Variants in PPARGC1A observed in about 807,000 individuals in gnomAD.
The protein encoded by PPARGC1A is PPARG coactivator 1 alpha, also known as peroxisome proliferator-activated receptor gamma coactivator 1-alpha.
A neutral mutation model predicts 88.7 loss-of-function variants in PPARGC1A; 25 were observed. The observed-to-expected ratio is 0.28, with a 90% CI of 0.21 to 0.39. PPARGC1A has a LOEUF of 0.39. Among genes scored for constraint, PPARGC1A ranks in the 10% least tolerant of loss-of-function variants. The pLI, the probability that PPARGC1A is intolerant of heterozygous loss-of-function variation, is 1.00. For synonymous variants in PPARGC1A, 363 were observed against 355.6 expected, an observed-to-expected ratio of 1.02 and a Z score of -0.24; for missense variants, 880 against 968.7, an observed-to-expected ratio of 0.91 and a Z score of 1.22.
the PPARGC1A span, among the ~76,000 whole-genome samples, chr4:23,992,217 C>T: frequency 6.6e-6 from 1 of 151,808 alleles, no homozygotes; most frequent in Non-Finnish European, 1.5e-5. Flanking sequence ...GTACAGAAGG[C>T]AGGAACACAC....
the PPARGC1A span, among the ~76,000 whole-genome samples, chr4:24,187,648 A>T: frequency 6.6e-6 from 1 of 152,198 alleles, no homozygotes; most frequent in Non-Finnish European, 1.5e-5. Flanking sequence ...CAATTATATG[A>T]TCATTCATTC....
At chr4:23,937,897 A>G in the PPARGC1A span, among the ~76,000 whole-genome samples, 1 of 152,188 alleles carries the variant, frequency 6.6e-6, no homozygotes, top group African/African-American at 2.4e-5. Context: ...TTTAGGATCA[A>G]TCCCCTTTCA....
At chr4:24,115,417 T>A in the PPARGC1A span, among the ~76,000 whole-genome samples, 197 of 152,218 alleles carry the variant, frequency 1.3e-3, 1 homozygote, top group African/African-American at 4.3e-3. Flanking sequence ...CCTACATGCT[T>A]AGGAAAATCC....
At chr4:23,825,245 G>T (rs1319929614) in intron 5 of PPARGC1A, 1 of 152,036 alleles carries the variant, frequency 6.6e-6, no homozygotes. Context: ...CTTCTCTGTG[G>T]CAATCTTGTA....
At chr4:24,443,853 C>A in the PPARGC1A span, among the ~76,000 whole-genome samples, 1 of 144,898 alleles carries the variant, frequency 6.9e-6, no homozygotes, top group Non-Finnish European at 1.5e-5. Flanking sequence ...CGCGCCTGGC[C>A]CCCACCAGAG....
chr4:23,889,239 C>T, intron 1 of PPARGC1A: 5 of 985,410 alleles, frequency 5.1e-6, no homozygotes, highest in Non-Finnish European at 6.0e-6. Context: ...GAAGATTTAA[C>T]CATTGGCTTC....
chr4:23,947,380 TATATATATATATATATAA>T, the PPARGC1A span, among the ~76,000 whole-genome samples: 13 of 51,484 alleles, frequency 2.5e-4, no homozygotes, highest in South Asian at 3.2e-3. Context: ...TATATATATA[TATATATATATATATATAA>T]AAAAAACGGT....
chr4:23,985,822 A>G, the PPARGC1A span, among the ~76,000 whole-genome samples: 3 of 152,056 alleles, frequency 2.0e-5, no homozygotes, highest in Non-Finnish European at 4.4e-5. Context: ...ATTATGCCAA[A>G]AGCACATCAT....
the PPARGC1A span, among the ~76,000 whole-genome samples, chr4:24,468,154 T>C: frequency 6.6e-6 from 1 of 152,154 alleles, no homozygotes; most frequent in Non-Finnish European, 1.5e-5. Context: ...GGGTCCAAAC[T>C]GCAAGCAGTA....
the PPARGC1A span, among the ~76,000 whole-genome samples, chr4:24,095,594 C>T: frequency 1.3e-5 from 2 of 152,116 alleles, no homozygotes; most frequent in Admixed American, 6.5e-5. Context: ...GATGCATCTA[C>T]AAGCCATGGA....
At chr4:24,358,286 ATCCTAATTTATT>A in the PPARGC1A span, among the ~76,000 whole-genome samples, 1 of 152,184 alleles carries the variant, frequency 6.6e-6, no homozygotes, top group Non-Finnish European at 1.5e-5. Context: ...AGATTTTTAA[ATCCTAATTTATT>A]TAATCTTTAA....
the PPARGC1A span, among the ~76,000 whole-genome samples, chr4:24,360,827 A>G: frequency 3.1e-3 from 473 of 152,350 alleles, 6 homozygotes; most frequent in African/African-American, 0.011. Flanking sequence ...GCTCATCTAT[A>G]TGATGTGGCT....
At chr4:24,175,111 C>T in the PPARGC1A span, among the ~76,000 whole-genome samples, 1 of 152,140 alleles carries the variant, frequency 6.6e-6, no homozygotes, top group African/African-American at 2.4e-5. Flanking sequence ...AGTTCATGAG[C>T]TTCATTGTTG....
At chr4:23,914,957 C>A in the PPARGC1A span, among the ~76,000 whole-genome samples, 1 of 152,134 alleles carries the variant, frequency 6.6e-6, no homozygotes, top group Non-Finnish European at 1.5e-5. Context: ...CTGAAGGAGT[C>A]CTTATAAATA....
the PPARGC1A span, among the ~76,000 whole-genome samples, chr4:24,437,855 T>C: frequency 6.6e-6 from 1 of 151,946 alleles, no homozygotes; most frequent in Non-Finnish European, 1.5e-5. Flanking sequence ...TTTTGGTTTT[T>C]AAGTAGAGAA....
At chr4:24,161,306 T>C in the PPARGC1A span, among the ~76,000 whole-genome samples, 2 of 152,200 alleles carry the variant, frequency 1.3e-5, no homozygotes, top group Non-Finnish European at 2.9e-5. Flanking sequence ...AATTAGGAAT[T>C]CTAGTCTGAC....
chr4:24,084,758 T>G, the PPARGC1A span, among the ~76,000 whole-genome samples: 1 of 152,114 alleles, frequency 6.6e-6, no homozygotes, highest in Non-Finnish European at 1.5e-5. Flanking sequence ...AAAAATGAAT[T>G]GATGAATGAA....
the PPARGC1A span, among the ~76,000 whole-genome samples, chr4:23,977,813 C>T: frequency 2.0e-5 from 3 of 152,120 alleles, no homozygotes; most frequent in South Asian, 4.1e-4. Context: ...CCTACTTCGA[C>T]GACTAAGATG....
the PPARGC1A span, among the ~76,000 whole-genome samples, chr4:24,070,481 T>A: frequency 7.2e-5 from 11 of 152,112 alleles, no homozygotes; most frequent in Non-Finnish European, 1.5e-4. Flanking sequence ...AGTGAAAAGA[T>A]CACACACAGA....
Sources: allele counts gnomAD v4.1 joint callset (sites outside exome capture counted in the v4.1 genomes callset), GRCh38; gene constraint gnomAD v4.1.1; transcripts MANE v1.5; gene names NCBI Gene and HGNC (gene_info 2026-07-23, HGNC 2026-07-21).